Variants in ST6GALNAC3 observed in about 807,000 individuals in gnomAD.
ST6GALNAC3 encodes the protein alpha-N-acetylgalactosaminide alpha-2,6-sialyltransferase 3.
Under a neutral mutation model 32.7 loss-of-function variants are expected in ST6GALNAC3, and 25 were observed. That is an observed-to-expected ratio of 0.76 (90% CI 0.56 to 1.07). The LOEUF (loss-of-function observed/expected upper bound fraction) is 1.07. Ranked by LOEUF, ST6GALNAC3 falls within the 50% of genes least tolerant of loss-of-function variation. The pLI, the probability that ST6GALNAC3 is intolerant of heterozygous loss-of-function variation, is 0.00. For synonymous variants in ST6GALNAC3, 129 were observed against 133.1 expected, an observed-to-expected ratio of 0.97 and a Z score of 0.21; for missense variants, 355 against 382.4, an observed-to-expected ratio of 0.93 and a Z score of 0.60.
chr1:76,183,960 T>G (rs1424555456), intron 1 of ST6GALNAC3, among the ~76,000 whole-genome samples: 1 of 150,416 alleles, frequency 6.6e-6, no homozygotes, highest in Non-Finnish European at 1.5e-5. Context: ...ATAGCCCCAC[T>G]TCTTCAGTCA....
chr1:76,246,197 A>G (rs1364643154), intron 1 of ST6GALNAC3, among the ~76,000 whole-genome samples: 1 of 152,172 alleles, frequency 6.6e-6, no homozygotes, highest in African/African-American at 2.4e-5. Context: ...TTGTTGGCTT[A>G]AAGCCTGTTT....
At chr1:76,617,039 G>A (rs1010584746) in intron 3 of ST6GALNAC3, among the ~76,000 whole-genome samples, 1 of 152,092 alleles carries the variant, frequency 6.6e-6, no homozygotes, top group Non-Finnish European at 1.5e-5. Context: ...AACAAGACTT[G>A]GAGACCTATC....
chr1:76,488,330 C>G (rs1328935997), intron 3 of ST6GALNAC3, among the ~76,000 whole-genome samples: 1 of 74,904 alleles, frequency 1.3e-5, no homozygotes, highest in Non-Finnish European at 2.8e-5. Flanking sequence ...GCTACCCCTT[C>G]ACCTTCTGTG....
intron 1 of ST6GALNAC3, among the ~76,000 whole-genome samples, chr1:76,288,972 C>A (rs1659928620): frequency 6.6e-6 from 1 of 152,206 alleles, no homozygotes; most frequent in Admixed American, 6.5e-5. Flanking sequence ...TAGAACCACA[C>A]TTCCCCCTCC....
In ST6GALNAC3 at chr1:76,107,867, T is replaced by C. The variant is rs552220894; in HGVS notation, c.18+32983T>C. Among the ~76,000 whole-genome samples, 144 of 152,244 alleles carry C rather than the reference T, an allele frequency of 9.5e-4. 1 individual carries two copies. The highest frequency in any genetic ancestry group is 1.5e-3 in the Non-Finnish European group (103 of 68,042). ...TTTTTGGCCCATTTTTGCTCCTATA[T>C]GCCCTTTCATCATCCTCAGAACCTG... On this transcript the variant is annotated intron_variant, in intron 1 of 4. Transcript: ENST00000328299.
chr1:76,564,799 G>C (rs576449553), intron 3 of ST6GALNAC3, among the ~76,000 whole-genome samples: 57 of 152,114 alleles, frequency 3.7e-4, no homozygotes, highest in African/African-American at 1.4e-3. Context: ...TAGCCAGGAT[G>C]GTCTCGATCT....
intron 3 of ST6GALNAC3, among the ~76,000 whole-genome samples, chr1:76,485,805 A>G (rs1470073172): frequency 2.0e-5 from 3 of 152,002 alleles, no homozygotes; most frequent in African/African-American, 7.2e-5. Flanking sequence ...AGTTCTTTTA[A>G]TTGTGATGTT....
At chr1:76,231,105 C>G (rs1042652957) in intron 1 of ST6GALNAC3, among the ~76,000 whole-genome samples, 7 of 152,160 alleles carry the variant, frequency 4.6e-5, no homozygotes, top group African/African-American at 1.7e-4. Context: ...GCTGCTTTCT[C>G]TCTCAGCTTC....
intron 1 of ST6GALNAC3, among the ~76,000 whole-genome samples, chr1:76,148,238 G>A (rs760349520): frequency 2.0e-5 from 3 of 152,120 alleles, no homozygotes; most frequent in Admixed American, 6.5e-5. Context: ...GGCTATTAAC[G>A]AGAATTTTTA....
At chr1:76,178,646 T>A (rs965621975) in intron 1 of ST6GALNAC3, among the ~76,000 whole-genome samples, 2 of 151,812 alleles carry the variant, frequency 1.3e-5, no homozygotes, top group African/African-American at 4.8e-5. Context: ...AAAGTCAGGG[T>A]GGAGGGAGTA....
intron 3 of ST6GALNAC3, among the ~76,000 whole-genome samples, chr1:76,507,305 T>G (rs762480704): frequency 1.3e-5 from 2 of 152,232 alleles, no homozygotes; most frequent in Non-Finnish European, 2.9e-5. Context: ...ACATGCTATA[T>G]AATTTACCCA....
chr1:76,091,743 G>A (rs1338326304), intron 1 of ST6GALNAC3, among the ~76,000 whole-genome samples: 1 of 152,140 alleles, frequency 6.6e-6, no homozygotes, highest in East Asian at 1.9e-4. Flanking sequence ...TGTGCTGTAT[G>A]GGTTTGTAGC....
chr1:76,506,819 T>C (rs1333436840), intron 3 of ST6GALNAC3, among the ~76,000 whole-genome samples: 1 of 152,146 alleles, frequency 6.6e-6, no homozygotes, highest in Admixed American at 6.5e-5. Context: ...CACCTCTCCA[T>C]GTAGGGAAGG....
At chr1:76,301,865 T>C (rs1329514699) in intron 1 of ST6GALNAC3, among the ~76,000 whole-genome samples, 1 of 151,946 alleles carries the variant, frequency 6.6e-6, no homozygotes, top group African/African-American at 2.4e-5. Context: ...GGTGCAATCT[T>C]GACAAGAAGA....
intron 3 of ST6GALNAC3, among the ~76,000 whole-genome samples, chr1:76,597,194 A>G (rs1303190873): frequency 6.6e-6 from 1 of 152,190 alleles, no homozygotes; most frequent in East Asian, 1.9e-4. Flanking sequence ...ACAAAATAAC[A>G]GAGAGCCGAG....
chr1:76,355,324 A>T (rs1485116981), intron 2 of ST6GALNAC3, among the ~76,000 whole-genome samples: 4 of 152,214 alleles, frequency 2.6e-5, no homozygotes, highest in Non-Finnish European at 5.9e-5. Context: ...AATTATGTAT[A>T]TTCCTACCAA....
chr1:76,599,331 G>T (rs1647184116), intron 3 of ST6GALNAC3, among the ~76,000 whole-genome samples: 1 of 152,068 alleles, frequency 6.6e-6, no homozygotes, highest in Admixed American at 6.6e-5. Flanking sequence ...TGCAGAACGT[G>T]CAGGTTTGTT....
At chr1:76,452,365 A>G (rs969800389) in intron 3 of ST6GALNAC3, among the ~76,000 whole-genome samples, 12 of 152,326 alleles carry the variant, frequency 7.9e-5, no homozygotes, top group Admixed American at 5.2e-4. Flanking sequence ...TTTTTCCAGT[A>G]TAAATTACCC....
chr1:76,129,930 G>A (rs1478501771), intron 1 of ST6GALNAC3, among the ~76,000 whole-genome samples: 1 of 152,166 alleles, frequency 6.6e-6, no homozygotes, highest in African/African-American at 2.4e-5. Flanking sequence ...TGTTTGGGCT[G>A]ATTGGTGGGA....
Sources: allele counts gnomAD v4.1 joint callset (sites outside exome capture counted in the v4.1 genomes callset), GRCh38; gene constraint gnomAD v4.1.1; transcripts MANE v1.5; gene names NCBI Gene and HGNC (gene_info 2026-07-23, HGNC 2026-07-21).